ARHGAP20: variants seen among roughly 807,000 people sequenced by gnomAD.
ARHGAP20 encodes the protein rho GTPase-activating protein 20.
A neutral mutation model predicts 73.7 loss-of-function variants in ARHGAP20; 34 were observed. That is an observed-to-expected ratio of 0.46 (90% CI 0.35 to 0.61). ARHGAP20 has a LOEUF of 0.61. Ranked by LOEUF, ARHGAP20 falls within the 20% of genes least tolerant of loss-of-function variation. The pLI is 0.00. For missense variants in ARHGAP20, 1,314 were observed against 1,420.9 expected, an observed-to-expected ratio of 0.92 and a Z score of 1.21; for synonymous variants, 523 against 518.2, an observed-to-expected ratio of 1.01 and a Z score of -0.13.
chr11:110,678,480 T>C (rs2135087147), intron 2 of ARHGAP20, among the ~76,000 whole-genome samples: 1 of 152,310 alleles, frequency 6.6e-6, no homozygotes, highest in Non-Finnish European at 1.5e-5. Context: ...TAAACTGGAA[T>C]AGCATCTGTT....
In ARHGAP20 at chr11:110,606,643, G is replaced by T. The variant is rs1349777785; in HGVS notation, c.882C>A (p.Phe294Leu). ...STTPFNLQEP[F>L]LMEQLPREMQ... ...TCTCTCGGGGGAGCTGTTCCATAAG[G>T]AAGGGCTCCTGGAGGTTGAAAGGGG... The change falls in exon 9 of 15, where the codon TTC becomes TTA. Residue 294 changes from phenylalanine (F) to leucine (L), a missense_variant. Phe to Leu is a conservative substitution (Grantham distance 22). This residue lies in a region of ARHGAP20 where 443 missense variants were observed against 466.4 expected (regional missense o/e 0.95). Transcript: ENST00000683387. 1 of 1,611,580 alleles carries T rather than the reference G, an allele frequency of 6.2e-7. No homozygotes were observed. Among genetic ancestry groups the T allele is most frequent in the African/African-American group, 1.3e-5 (1 of 74,546 alleles).
rs747094347 is a variant in ARHGAP20, at chr11:110,669,036, A to C, written c.188+21511T>G. The stretch of plus-strand genomic sequence containing the variant: ...ATAAAACTTCTAAAAGAAAACATAG[A>C]AGGAAATTTTGACTTTGGATATAGA... On this transcript the variant is annotated intron_variant, in intron 2 of 14. Coordinates refer to ENST00000683387, the MANE Select transcript of ARHGAP20 (RefSeq NM_001384657.1). Among the ~76,000 whole-genome samples the C allele has an allele frequency of 5.3e-5, 8 of 152,312 alleles. No homozygotes were observed. The South Asian group carries it at 1.0e-3, about 20-fold the overall frequency.
chr11:110,636,809 T>G (rs1277330758), intron 2 of ARHGAP20, among the ~76,000 whole-genome samples: 1 of 152,068 alleles, frequency 6.6e-6, no homozygotes, highest in African/African-American at 2.4e-5. Context: ...TTCTCAATTT[T>G]ATGACTCTGA....
chr11:110,589,383 G>T, intron 11 of ARHGAP20: 1 of 983,648 alleles, frequency 1.0e-6, no homozygotes, highest in Non-Finnish European at 1.2e-6. Context: ...AGAAACATCT[G>T]ATTGTATATA....
At chr11:110,712,066 C>T (rs917701793) in intron 1 of ARHGAP20, 61 bp downstream of exon 1, 194 of 1,248,714 alleles carry the variant, frequency 1.6e-4, no homozygotes, top group Non-Finnish European at 1.8e-4. Context: ...GCGCGGAGGG[C>T]GCGCGCCGGC....
chr11:110,598,781 C>T (rs149971129), intron 9 of ARHGAP20, among the ~76,000 whole-genome samples: 100 of 152,176 alleles, frequency 6.6e-4, no homozygotes, highest in African/African-American at 2.3e-3. Flanking sequence ...AGGAGCCCTG[C>T]CCCTTCTGAG....
chr11:110,668,087 AG>A (rs1232370246), intron 2 of ARHGAP20, among the ~76,000 whole-genome samples: 1 of 152,242 alleles, frequency 6.6e-6, no homozygotes, highest in African/African-American at 2.4e-5. Context: ...CAATTTTGAA[AG>A]AAGTTCTGTG....
intron 2 of ARHGAP20, among the ~76,000 whole-genome samples, chr11:110,650,517 C>G (rs758070888): frequency 1.3e-5 from 2 of 152,130 alleles, no homozygotes; most frequent in East Asian, 3.8e-4. Flanking sequence ...GTAACTAACT[C>G]TCTTGAGTGG....
At chr11:110,656,719 T>G (rs1333518864) in intron 2 of ARHGAP20, among the ~76,000 whole-genome samples, 1 of 152,200 alleles carries the variant, frequency 6.6e-6, no homozygotes, top group Non-Finnish European at 1.5e-5. Context: ...AACTTTTGCA[T>G]GCTCAGCCAC....
intron 4 of ARHGAP20, among the ~76,000 whole-genome samples, chr11:110,619,974 G>T (rs1458990814): frequency 6.6e-6 from 1 of 152,140 alleles, no homozygotes; most frequent in Non-Finnish European, 1.5e-5. Flanking sequence ...GGTTTTCAAA[G>T]ATTCTGGCAA....
chr11:110,577,075 AACAG>A lies in ARHGAP20; in HGVS notation c.*2291_*2294del. 6.7e-7 allele frequency: 1 copy of A among 1,499,702 alleles called. No homozygotes were observed. The allele number at this position is 1,499,702 out of a possible 1,614,324, so 92.9% of individuals were successfully genotyped here. On this transcript the variant is annotated 3_prime_UTR_variant, in exon 15 of 15. Transcript: ENST00000683387. ...AATTCTGCAGAATGGCATTTTATTT[AACAG>A]ACAGCATGGACTTCATACATATCCA...
chr11:110,644,558 C>T (rs939199886), intron 2 of ARHGAP20, among the ~76,000 whole-genome samples: 2 of 152,058 alleles, frequency 1.3e-5, no homozygotes, highest in African/African-American at 4.8e-5. Flanking sequence ...GGGAAAGACT[C>T]CCTATTCAAT....
At chr11:110,629,325 C>T (rs1211961676) in intron 3 of ARHGAP20, among the ~76,000 whole-genome samples, 1 of 152,150 alleles carries the variant, frequency 6.6e-6, no homozygotes. Context: ...TCTGAAACAA[C>T]TCTTATCTTG....
chr11:110,614,475 G>T, intron 6 of ARHGAP20, 86 bp downstream of exon 6: 1 of 1,255,026 alleles, frequency 8.0e-7, no homozygotes, highest in Non-Finnish European at 1.1e-6. Flanking sequence ...TAGCCTGCCT[G>T]CCTGCCTGCT....
rs1947358002 is a variant in ARHGAP20, at chr11:110,578,962, T to A, written c.*408A>T. The A allele has an allele frequency of 1.0e-6, 1 of 988,140 alleles. No homozygotes were observed. Among genetic ancestry groups the A allele is most frequent in the South Asian group, 4.7e-5 (1 of 21,452 alleles). 61.2% of individuals were successfully genotyped at this position (988,140 alleles called of 1,614,324 possible). On this transcript the variant is annotated 3_prime_UTR_variant, in exon 15 of 15. Coordinates refer to ENST00000683387, the MANE Select transcript of ARHGAP20 (RefSeq NM_001384657.1). ...TACTTATTAAAAACATTCCATGGAA[T>A]GTAGATGGTTTCTCTGTACCCTTCC...
At chr11:110,711,887 G>T in intron 1 of ARHGAP20, 1 of 1,305,458 alleles carries the variant, frequency 7.7e-7, no homozygotes, top group Non-Finnish European at 9.7e-7. Context: ...CTGCGAGGTC[G>T]CTCGAGGAGA....
At chr11:110,608,936 A>G in intron 8 of ARHGAP20, 48 bp downstream of exon 8, 1 of 1,500,614 alleles carries the variant, frequency 6.7e-7, no homozygotes, top group Non-Finnish European at 9.2e-7. Context: ...ACTTAGAATT[A>G]TAATTAAAAC....
intron 2 of ARHGAP20, among the ~76,000 whole-genome samples, chr11:110,635,585 C>A (rs935674686): frequency 6.6e-6 from 1 of 152,092 alleles, no homozygotes; most frequent in African/African-American, 2.4e-5. Context: ...GCTATAGCTA[C>A]CCCTTTCAAG....
At chr11:110,681,332 TA>T (rs1329863216) in intron 2 of ARHGAP20, among the ~76,000 whole-genome samples, 1 of 152,218 alleles carries the variant, frequency 6.6e-6, no homozygotes, top group Admixed American at 6.6e-5. Context: ...AGAAAGTTTA[TA>T]AAATTCCAAA....
Sources: allele counts gnomAD v4.1 joint callset (sites outside exome capture counted in the v4.1 genomes callset), GRCh38; gene constraint gnomAD v4.1.1; regional missense constraint gnomAD v4.1.1; transcripts MANE v1.5; gene names NCBI Gene and HGNC (gene_info 2026-07-23, HGNC 2026-07-21).